The following ADGRB3 variants were observed in gnomAD, a reference collection of about 807,000 sequenced individuals.
ADGRB3 encodes the protein brain-specific angiogenesis inhibitor 3.
Under a neutral mutation model 193.4 loss-of-function variants are expected in ADGRB3, and 37 were observed. The observed-to-expected ratio is 0.19, with a 90% confidence interval of 0.15 to 0.25. The LOEUF (loss-of-function observed/expected upper bound fraction) is 0.25. Among genes scored for constraint, ADGRB3 ranks in the 10% least tolerant of loss-of-function variants. The probability of loss-of-function intolerance (pLI) is 1.00; values close to 1 mark genes in which losing one functional copy is unlikely to be tolerated. For synonymous variants in ADGRB3, 690 were observed against 644.2 expected (o/e 1.07, Z -1.08); for missense variants, 1,637 against 1,852.9 (o/e 0.88, Z 2.14).
intron 17 of ADGRB3, among the ~76,000 whole-genome samples, chr6:69,101,902 A>T (rs959020970): frequency 6.6e-6 from 1 of 151,980 alleles, no homozygotes; most frequent in South Asian, 2.1e-4. Context: ...ATATATTAAG[A>T]CTCTCGGCCG....
chr6:69,330,904 T>A (rs1395529635), intron 23 of ADGRB3, among the ~76,000 whole-genome samples: 1 of 152,192 alleles, frequency 6.6e-6, no homozygotes, highest in Non-Finnish European at 1.5e-5. Flanking sequence ...TTTACACTAT[T>A]CTGTACAATA....
intron 3 of ADGRB3, among the ~76,000 whole-genome samples, chr6:68,779,149 A>C (rs2127360284): frequency 6.6e-6 from 1 of 152,078 alleles, no homozygotes; most frequent in South Asian, 2.1e-4. Flanking sequence ...TATACATAAC[A>C]GAGGCATGAT....
chr6:69,363,280 A>G (rs1201020524), intron 29 of ADGRB3, among the ~76,000 whole-genome samples: 1 of 152,034 alleles, frequency 6.6e-6, no homozygotes, highest in East Asian at 1.9e-4. Context: ...GAAATTTGGA[A>G]TTCAGAATGA....
At chr6:69,054,362 A>T (rs1285618379) in intron 15 of ADGRB3, among the ~76,000 whole-genome samples, 1 of 152,206 alleles carries the variant, frequency 6.6e-6, no homozygotes. Context: ...TAGAAAAATA[A>T]TATTGGAAAT....
chr6:69,047,347 A>G (rs1186715222), intron 13 of ADGRB3, among the ~76,000 whole-genome samples: 4 of 151,432 alleles, frequency 2.6e-5, no homozygotes, highest in African/African-American at 9.7e-5. Context: ...AGTATTTATC[A>G]TCATAGTTTT....
At chr6:69,119,422 A>G (rs1261855816) in intron 17 of ADGRB3, among the ~76,000 whole-genome samples, 1 of 152,236 alleles carries the variant, frequency 6.6e-6, no homozygotes, top group Non-Finnish European at 1.5e-5. Context: ...GATATATAAT[A>G]AAAACCATAA....
At chr6:69,142,660 C>A (rs913892294) in intron 17 of ADGRB3, among the ~76,000 whole-genome samples, 3 of 152,194 alleles carry the variant, frequency 2.0e-5, no homozygotes, top group Non-Finnish European at 4.4e-5. Context: ...CCTTTTAATA[C>A]ATGGGCAACC....
chr6:69,206,045 G>GTGTGTATATATA (rs1327162820), intron 17 of ADGRB3, among the ~76,000 whole-genome samples: 1 of 99,952 alleles, frequency 1.0e-5, no homozygotes, highest in African/African-American at 3.8e-5. Context: ...TATAATAATG[G>GTGTGTATATATA]TATATATATA....
At chr6:68,680,945 G>A (rs926686280) in intron 3 of ADGRB3, among the ~76,000 whole-genome samples, 12 of 152,134 alleles carry the variant, frequency 7.9e-5, no homozygotes, top group African/African-American at 2.7e-4. Flanking sequence ...GAATACTGGA[G>A]GTTGAGTAAT....
intron 17 of ADGRB3, among the ~76,000 whole-genome samples, chr6:69,230,859 G>A (rs1177155956): frequency 6.6e-6 from 1 of 151,924 alleles, no homozygotes; most frequent in Non-Finnish European, 1.5e-5. Flanking sequence ...TTTTAAATTT[G>A]GTAAAGCACA....
At chr6:68,863,935 T>C (rs1379243881) in intron 3 of ADGRB3, among the ~76,000 whole-genome samples, 1 of 152,216 alleles carries the variant, frequency 6.6e-6, no homozygotes, top group African/African-American at 2.4e-5. Context: ...ATTATTGCAT[T>C]TATTCTAGAT....
At chr6:69,066,069 G>C (rs1771895350) in intron 16 of ADGRB3, among the ~76,000 whole-genome samples, 1 of 151,590 alleles carries the variant, frequency 6.6e-6, no homozygotes, top group Admixed American at 6.6e-5. Flanking sequence ...CATGGATTTT[G>C]GTATCTGCAA....
At chr6:69,285,132 A>G (rs966252053) in intron 20 of ADGRB3, among the ~76,000 whole-genome samples, 62 of 152,346 alleles carry the variant, frequency 4.1e-4, no homozygotes, top group African/African-American at 1.4e-3. Context: ...TAAATAATCC[A>G]TAGGGATTGA....
intron 3 of ADGRB3, among the ~76,000 whole-genome samples, chr6:68,815,228 G>A (rs1253818608): frequency 6.6e-6 from 1 of 152,034 alleles, no homozygotes; most frequent in Non-Finnish European, 1.5e-5. Flanking sequence ...GTGTTCAATG[G>A]GGAGTTTAAA....
At chr6:69,174,004 A>T (rs1775357500) in intron 17 of ADGRB3, among the ~76,000 whole-genome samples, 1 of 152,238 alleles carries the variant, frequency 6.6e-6, no homozygotes, top group South Asian at 2.1e-4. Context: ...GAAGAAAAGG[A>T]TCTTCCATTA....
At chr6:69,382,668 A>G (rs912071439) in intron 30 of ADGRB3, among the ~76,000 whole-genome samples, 163 bp from the exon 31 acceptor site, 1 of 151,890 alleles carries the variant, frequency 6.6e-6, no homozygotes, top group African/African-American at 2.4e-5. Flanking sequence ...TGAATATGAG[A>G]CAATGATTTG....
intron 3 of ADGRB3, among the ~76,000 whole-genome samples, chr6:68,751,119 C>T (rs1766190202): frequency 6.6e-6 from 1 of 152,176 alleles, no homozygotes; most frequent in African/African-American, 2.4e-5. Context: ...TAGCTAAGTC[C>T]AGGCTCTACT....
In ADGRB3 at chr6:69,385,071, T is replaced by C. The variant is rs75724597; in HGVS notation, c.4380+2136T>C. On this transcript the variant is annotated intron_variant, in intron 31 of 31. Transcript: ENST00000370598. ...GAATCAAAGGGAAACCAAAAAACCA[T>C]TTAGTCCATTTCCTTGCTTCCAGGC... Among the ~76,000 whole-genome samples, 922 of 151,710 alleles carry C rather than the reference T, an allele frequency of 6.1e-3. 35 individuals carry two copies. In the East Asian group the frequency reaches 0.11, roughly 18 times the overall value.
At chr6:69,061,609 T>TA (rs1771751826) in intron 15 of ADGRB3, among the ~76,000 whole-genome samples, 1 of 152,084 alleles carries the variant, frequency 6.6e-6, no homozygotes, top group Non-Finnish European at 1.5e-5. Flanking sequence ...TATCATTAGC[T>TA]ATTATTTCTA....
Sources: allele counts gnomAD v4.1 joint callset (sites outside exome capture counted in the v4.1 genomes callset), GRCh38; gene constraint gnomAD v4.1.1; transcripts MANE v1.5; gene names NCBI Gene and HGNC (gene_info 2026-07-23, HGNC 2026-07-21).